The following RENBP variants were observed in gnomAD, a reference collection of about 807,000 sequenced individuals.
RENBP encodes the protein N-acylglucosamine 2-epimerase.
RENBP carries 16 observed loss-of-function variants against 37.8 expected under a neutral mutation model. That is an observed-to-expected ratio of 0.42 (90% CI 0.29 to 0.64). RENBP has a LOEUF of 0.64. Among genes scored for constraint, RENBP ranks in the 30% least tolerant of loss-of-function variants. The pLI is 0.19. For synonymous variants in RENBP, 170 were observed against 154.8 expected (o/e 1.10, Z -0.73); for missense variants, 347 against 379.5 (o/e 0.91, Z 0.71).
At chrX:153,939,334 G>A (rs2065216903) in intron 9 of RENBP, among the ~76,000 whole-genome samples, 1 of 112,057 alleles carries the variant, frequency 8.9e-6, no homozygotes, top group Non-Finnish European at 1.9e-5. Context: ...CGATCCTCCC[G>A]TCTCAGCCTG....
At chrX:153,939,297 G>T (rs193234719) in intron 9 of RENBP, among the ~76,000 whole-genome samples, 1 of 111,812 alleles carries the variant, frequency 8.9e-6, no homozygotes, top group Admixed American at 9.4e-5. Flanking sequence ...ATGTTGCCCA[G>T]ACTGGTTTTG....
intron 9 of RENBP, among the ~76,000 whole-genome samples, chrX:153,939,665 C>G (rs1164693885): frequency 3.6e-5 from 4 of 111,479 alleles, no homozygotes; most frequent in African/African-American, 1.3e-4. Context: ...AGCTGGAGTC[C>G]GTCCCTTGCC....
chrX:153,942,240 T>G (rs2065230459), intron 6 of RENBP: 1 of 266,123 alleles, frequency 3.8e-6, no homozygotes, highest in Non-Finnish European at 6.1e-6. Flanking sequence ...GTTTTTTTTT[T>G]TTTTTTTTTT....
rs781903226 is a variant in RENBP, at chrX:153,944,155, C to G, written c.138G>C (p.Gly46=). Reference sequence around the variant, plus strand: ...CGCGGCCAAGGCACGTGAAGAAGCCCCTGTGGGAAGGCAGGGTTAGCAAAG... The same window carrying G: ...CGCGGCCAAGGCACGTGAAGAAGCCGCTGTGGGAAGGCAGGGTTAGCAAAG... ...WMEHSHDQEH[G]GFFTCLGREG... Residue 46 remains glycine, a splice_region_variant and synonymous_variant, in exon 3 of 11, where the codon GGG becomes GGC. Transcript: ENST00000393700. The G allele has an allele frequency of 3.3e-6, 4 of 1,208,729 alleles. No individual in the cohort carries two copies. The South Asian group carries it at 5.3e-5, about 16-fold the overall frequency.
intron 9 of RENBP, 49 bp downstream of exon 9, chrX:153,940,053 C>G: frequency 8.4e-7 from 1 of 1,195,715 alleles, no homozygotes; most frequent in Non-Finnish European, 1.1e-6. Context: ...GCCAGACTCC[C>G]CCCATTCCCC....
At chrX:153,940,873 C>T (rs1446795588) in intron 8 of RENBP, among the ~76,000 whole-genome samples, 1 of 111,964 alleles carries the variant, frequency 8.9e-6, no homozygotes, top group Non-Finnish European at 1.9e-5. Context: ...GGTGCGGTGG[C>T]TCACGCCTAT....
In RENBP at chrX:153,940,034, C is replaced by T. The variant is rs782393759; in HGVS notation, c.1077+68G>A. On this transcript the variant is annotated intron_variant, in intron 9 of 10. Transcript: ENST00000393700. ...ACTGTGCTCAGCGAGGGGGCAAGAGCGCAGCCGGGCCAGACTCCCCCCATT... is the reference window on the plus strand; with the variant it reads ...ACTGTGCTCAGCGAGGGGGCAAGAGTGCAGCCGGGCCAGACTCCCCCCATT... 3.5e-4 allele frequency: 403 copies of T among 1,160,193 alleles called. 5 individuals are homozygous for T. The South Asian group carries it at 7.0e-3, about 20-fold the overall frequency.
rs782217552 is a variant in RENBP at position 153,941,932 on chromosome X, GC to G, written c.769+17del. 1 of 393,639 alleles carries G rather than the reference GC, an allele frequency of 2.5e-6. No homozygotes were observed. Among genetic ancestry groups the G allele is most frequent in the Non-Finnish European group, 4.5e-6 (1 of 220,145 alleles). 32.4% of individuals were successfully genotyped at this position (393,639 alleles called of 1,213,427 possible). On this transcript the variant is annotated intron_variant, in intron 7 of 10. Transcript: ENST00000393700. ...CTCCCCTCCTCCTGGGTGGCCCCCA[GC>G]CCACCCCGCCCCTCACCTGGGTTCT...
At chrX:153,940,323 T>C in intron 8 of RENBP, 90 bp from the exon 9 acceptor site, 2 of 1,079,975 alleles carry the variant, frequency 1.9e-6, no homozygotes, top group Admixed American at 2.3e-5. Context: ...CCCAAGCTAC[T>C]GGAGGTGAAT....
intron 6 of RENBP, chrX:153,942,624 G>A (rs2065232135): frequency 7.1e-6 from 3 of 424,290 alleles, no homozygotes; most frequent in African/African-American, 2.5e-5. Context: ...GACAGGGCGG[G>A]TTTCACGGCC....
rs2065237537 is a variant in RENBP, at chrX:153,943,702, C to A, written c.306G>T (p.Leu102=). The part of the protein sequence containing the change: ...DAAKAGGEFL[L]RYARVAPPGK... ...CAGGAGGTGCCACCCGGGCATACCG[C>A]AGCAAGAACTCACCACCTGGAGGTT... The change falls in exon 5 of 11, where the codon CTG becomes CTT. Residue 102 remains leucine, a synonymous_variant. Coordinates refer to ENST00000393700, the MANE Select transcript of RENBP (RefSeq NM_002910.6). The A allele has an allele frequency of 1.7e-6, 2 of 1,209,948 alleles. No homozygotes were observed. Among genetic ancestry groups the A allele is most frequent in the African/African-American group, 3.5e-5 (2 of 57,964 alleles).
chrX:153,939,268 G>A (rs781837295), intron 9 of RENBP, among the ~76,000 whole-genome samples: 49 of 111,536 alleles, frequency 4.4e-4, no homozygotes, highest in African/African-American at 1.5e-3. Context: ...AAAATTTTTT[G>A]TAGAGACCAG....
Position 153,941,995 on chromosome X carries a change from C to A in RENBP, c.724G>T (p.Gly242Cys). ...AGGCAGCCAGGAAGTTCCTTGCCAC[C>A]CTCTGACACATTCTCCAGCACAGCT... ...GQAVLENVSE[G>C]GKELPGCLGR... The change falls in exon 7 of 11, where the codon GGT becomes TGT. Residue 242 changes from glycine to cysteine, a missense_variant. This residue lies in a region of RENBP where 244 missense variants were observed against 279.4 expected (regional missense o/e 0.87). Coordinates refer to ENST00000393700, the MANE Select transcript of RENBP (RefSeq NM_002910.6). The A allele has an allele frequency of 8.3e-7, 1 of 1,208,261 alleles. No individual in the cohort carries two copies.
At chrX:153,942,140 A>G in intron 6 of RENBP, 109 bp from the exon 7 acceptor site, 2 of 569,193 alleles carry the variant, frequency 3.5e-6, no homozygotes, top group Non-Finnish European at 5.8e-6. Flanking sequence ...CCTCTTACCC[A>G]AGCCCCTGGA....
intron 9 of RENBP, among the ~76,000 whole-genome samples, chrX:153,936,543 A>T (rs1306021460): frequency 9.1e-6 from 1 of 109,969 alleles, no homozygotes; most frequent in Non-Finnish European, 1.9e-5. Context: ...AAAGAAACAA[A>T]GAACCCTGAT....
chrX:153,943,615 G>T lies in RENBP; in HGVS notation c.393C>A (p.Ile131=). The part of the protein sequence containing the change: ...DGRPVKVQRT[I]FSECFYTMAM... The stretch of plus-strand genomic sequence containing the variant: ...CCATGGTGTAGAAACACTCACTGAA[G>T]ATGGTTCGCTGCACCTTGACCGGGC... The change falls in exon 5 of 11, where the codon ATC becomes ATA. Residue 131 remains isoleucine, a synonymous_variant. Transcript: ENST00000393700. 8.3e-7 allele frequency: 1 copy of T among 1,211,690 alleles called. No homozygotes were observed. The highest frequency in any genetic ancestry group is 1.8e-5 in the South Asian group (1 of 57,037).
chrX:153,936,875 G>A (rs550515637), intron 9 of RENBP, among the ~76,000 whole-genome samples: 2 of 112,269 alleles, frequency 1.8e-5, no homozygotes, highest in South Asian at 7.3e-4. Context: ...GCCCATAAGA[G>A]TTGGTGTATT....
chrX:153,940,076 A>T lies in RENBP; in HGVS notation c.1077+26T>A, dbSNP rs1221701156. On this transcript the variant is annotated intron_variant, in intron 9 of 10. Coordinates refer to ENST00000393700, the MANE Select transcript of RENBP (RefSeq NM_002910.6). ...CCCCCCATTCCCCCATTCAGCCTCT[A>T]GAGGGGACAAGGAGGCAGCTCTCAC... is the stretch of plus-strand genomic sequence containing the variant. 3.3e-6 allele frequency: 4 copies of T among 1,205,920 alleles called. No individual in the cohort carries two copies. The African/African-American group carries it at 7.0e-5, about 21-fold the overall frequency.
Position 153,941,657 on chromosome X carries a change from G to C in RENBP, c.770-4C>G. ...CAGCCGGCTTCCAGCGTGTGGCCTG[G>C]TGAGGGGTGGAGTACGGAAGGGCGG... On this transcript the variant is annotated splice_polypyrimidine_tract_variant and splice_region_variant and intron_variant, in intron 7 of 10. Coordinates refer to ENST00000393700, the MANE Select transcript of RENBP (RefSeq NM_002910.6). 1 of 990,703 alleles carries C rather than the reference G, an allele frequency of 1.0e-6. No individual in the cohort carries two copies. The highest frequency in any genetic ancestry group is 1.9e-5 in the South Asian group (1 of 51,452). 81.6% of individuals were successfully genotyped at this position (990,703 alleles called of 1,213,427 possible).
Sources: allele counts gnomAD v4.1 joint callset (sites outside exome capture counted in the v4.1 genomes callset), GRCh38; gene constraint gnomAD v4.1.1; regional missense constraint gnomAD v4.1.1; transcripts MANE v1.5; gene names NCBI Gene and HGNC (gene_info 2026-07-23, HGNC 2026-07-21).